Variants in PARM1 observed in about 807,000 individuals in gnomAD.
PARM1 encodes the protein prostate androgen-regulated mucin-like protein 1.
In PARM1, 14 loss-of-function variants were observed where a neutral mutation model predicts 24.6. That is an observed-to-expected ratio of 0.57 (90% CI 0.38 to 0.89). The LOEUF (loss-of-function observed/expected upper bound fraction) is 0.89, where lower values mean the gene tolerates loss of function less well. Ranked by LOEUF, PARM1 falls within the 40% of genes least tolerant of loss-of-function variation. The pLI is 0.00. For synonymous variants in PARM1, 179 were observed against 156.6 expected, an observed-to-expected ratio of 1.14 and a Z score of -1.07; for missense variants, 362 against 380.4, an observed-to-expected ratio of 0.95 and a Z score of 0.40.
intron 1 of PARM1, among the ~76,000 whole-genome samples, chr4:74,944,781 T>C (rs1273517723): frequency 6.6e-6 from 1 of 151,952 alleles, no homozygotes; most frequent in South Asian, 2.1e-4. Flanking sequence ...GATTCAGAAA[T>C]TTACAGCCAA....
Position 74,933,169 on chromosome 4 carries a change from G to C in PARM1, c.-159G>C, listed in dbSNP as rs372325356. The C allele has an allele frequency of 1.2e-5, 7 of 596,678 alleles. No individual in the cohort carries two copies. The highest frequency in any genetic ancestry group is 9.6e-5 in the African/African-American group (5 of 52,206). The allele number at this position is 596,678 out of a possible 1,614,324, so 37.0% of individuals were successfully genotyped here. A position where few individuals can be genotyped will look rare whatever the true frequency, so the allele number is the denominator to read the frequency against. ...CAGCTGACGGAGCTGCGCTGCGTTC[G>C]CCTCGTTTGCCTCGCGCCCTCCACT... On this transcript the variant is annotated 5_prime_UTR_variant, in exon 1 of 4. Transcript: ENST00000307428.
chr4:74,974,962 T>C (rs1283402259), intron 1 of PARM1, among the ~76,000 whole-genome samples: 2 of 152,174 alleles, frequency 1.3e-5, no homozygotes, highest in Admixed American at 6.6e-5. Flanking sequence ...ATCTCAGACT[T>C]CTAGCCTCCA....
At chr4:74,993,471 C>A (rs150628666) in intron 1 of PARM1, among the ~76,000 whole-genome samples, 1 of 152,126 alleles carries the variant, frequency 6.6e-6, no homozygotes. Context: ...TCCTGACCCA[C>A]AAAATCTGTG....
chr4:74,940,044 G>GTT (rs368052208), intron 1 of PARM1, among the ~76,000 whole-genome samples: 8 of 151,906 alleles, frequency 5.3e-5, no homozygotes, highest in African/African-American at 1.9e-4. Flanking sequence ...TTATCTGTGT[G>GTT]TTTTTTTTGT....
intron 1 of PARM1, among the ~76,000 whole-genome samples, chr4:74,948,184 T>C (rs1721444536): frequency 6.6e-6 from 1 of 152,192 alleles, no homozygotes; most frequent in Non-Finnish European, 1.5e-5. Context: ...GGTCATGTCT[T>C]AGCTTCATAT....
chr4:74,945,179 A>G (rs1044132713), intron 1 of PARM1, among the ~76,000 whole-genome samples: 1 of 152,210 alleles, frequency 6.6e-6, no homozygotes, highest in Admixed American at 6.5e-5. Context: ...AATTAAATGT[A>G]TGTTGTGTGC....
At position 75,027,000 on chromosome 4, in the gene PARM1, C is replaced by T. The variant is rs1240031989; in HGVS notation, c.770-6883C>T. Among the ~76,000 whole-genome samples, 4 of 152,136 alleles carry T rather than the reference C, an allele frequency of 2.6e-5. No homozygotes were observed. In the East Asian group the frequency reaches 7.7e-4, roughly 29 times the overall value. ...TGTCTGCCCTCCTCTGAGGTGGTTCCTGCCTCGATCCTCCTTTGCTGTCTG... is the reference window on the plus strand; with the variant it reads ...TGTCTGCCCTCCTCTGAGGTGGTTCTTGCCTCGATCCTCCTTTGCTGTCTG... On this transcript the variant is annotated intron_variant, in intron 2 of 3. Coordinates refer to ENST00000307428, the MANE Select transcript of PARM1 (RefSeq NM_015393.4).
chr4:75,000,870 T>G (rs1291132610), intron 1 of PARM1, among the ~76,000 whole-genome samples: 1 of 152,224 alleles, frequency 6.6e-6, no homozygotes, highest in Admixed American at 6.5e-5. Context: ...ATTAATGAAC[T>G]TGTCCAAGAT....
intron 1 of PARM1, chr4:74,966,827 A>G (rs1217029745): frequency 6.6e-6 from 1 of 152,170 alleles, no homozygotes; most frequent in East Asian, 1.9e-4. Context: ...CACATTCACC[A>G]TCTAGAGTTT....
At chr4:74,945,210 G>A (rs1314579553) in intron 1 of PARM1, among the ~76,000 whole-genome samples, 1 of 152,204 alleles carries the variant, frequency 6.6e-6, no homozygotes, top group Non-Finnish European at 1.5e-5. Context: ...AAAGGGTTTA[G>A]AAGGATACAA....
At chr4:75,000,516 G>C (rs915835507) in intron 1 of PARM1, among the ~76,000 whole-genome samples, 1 of 152,182 alleles carries the variant, frequency 6.6e-6, no homozygotes, top group Non-Finnish European at 1.5e-5. Context: ...GGCTGCCACT[G>C]TGCTAGACAC....
chr4:74,982,924 C>T (rs1028331881), intron 1 of PARM1, among the ~76,000 whole-genome samples: 1 of 152,166 alleles, frequency 6.6e-6, no homozygotes, highest in African/African-American at 2.4e-5. Flanking sequence ...AGTACACTTC[C>T]TAGTTTCATG....
chr4:74,951,070 C>CAGAG (rs1721513212), intron 1 of PARM1, among the ~76,000 whole-genome samples: 1 of 152,224 alleles, frequency 6.6e-6, no homozygotes, highest in African/African-American at 2.4e-5. Context: ...TGGAGACCAA[C>CAGAG]AGAGAATGGG....
intron 1 of PARM1, among the ~76,000 whole-genome samples, chr4:74,968,697 C>A (rs1238424140): frequency 6.6e-6 from 1 of 152,166 alleles, no homozygotes; most frequent in Non-Finnish European, 1.5e-5. Flanking sequence ...TTCACTCATT[C>A]ATTGCATTTT....
intron 1 of PARM1, among the ~76,000 whole-genome samples, chr4:74,987,184 G>A (rs146141810): frequency 1.1e-3 from 164 of 151,764 alleles, no homozygotes; most frequent in African/African-American, 3.4e-3. Flanking sequence ...TAATTCTAAC[G>A]GACTACCTAG....
At chr4:74,952,604 A>G (rs1327782471) in intron 1 of PARM1, among the ~76,000 whole-genome samples, 2 of 152,192 alleles carry the variant, frequency 1.3e-5, no homozygotes, top group Non-Finnish European at 2.9e-5. Flanking sequence ...ATTTTTGTAT[A>G]AGGTGTAAGG....
At chr4:74,975,733 T>G (rs2109768421) in intron 1 of PARM1, among the ~76,000 whole-genome samples, 1 of 152,314 alleles carries the variant, frequency 6.6e-6, no homozygotes, top group South Asian at 2.1e-4. Flanking sequence ...TTTAATTGAG[T>G]CTTGCATTAT....
At position 75,019,826 on chromosome 4, in the gene PARM1, AC is replaced by A. The variant is rs372385659; in HGVS notation, c.769+6680del. ...AGACCATCCTGGCTAACAAGGTGAA[AC>A]CCCGTCTCTACTAAAAATACAAAAA... On this transcript the variant is annotated intron_variant, in intron 2 of 3. Transcript: ENST00000307428. Among the ~76,000 whole-genome samples, 231 of 150,940 alleles carry A rather than the reference AC, an allele frequency of 1.5e-3. 2 individuals are homozygous for A. The highest frequency in any genetic ancestry group is 5.3e-3 in the African/African-American group (217 of 41,170).
At chr4:74,943,163 A>G (rs1443586072) in intron 1 of PARM1, among the ~76,000 whole-genome samples, 3 of 152,102 alleles carry the variant, frequency 2.0e-5, no homozygotes, top group Non-Finnish European at 4.4e-5. Flanking sequence ...ACTTGCCAAC[A>G]CCATATTCCC....
Sources: allele counts gnomAD v4.1 joint callset (sites outside exome capture counted in the v4.1 genomes callset), GRCh38; gene constraint gnomAD v4.1.1; transcripts MANE v1.5; gene names NCBI Gene and HGNC (gene_info 2026-07-23, HGNC 2026-07-21).